The following BYSL variants were observed in gnomAD, a reference collection of about 807,000 sequenced individuals.
BYSL encodes bystin like.
A neutral mutation model predicts 45.4 loss-of-function variants in BYSL; 21 were observed. That is an observed-to-expected ratio of 0.46 (90% CI 0.33 to 0.67). The LOEUF (loss-of-function observed/expected upper bound fraction) is 0.67, where lower values mean the gene tolerates loss of function less well. BYSL is among the 30% of genes least tolerant of loss of function. The pLI is 0.02. For synonymous variants in BYSL, 215 were observed against 231.3 expected (o/e 0.93, Z 0.64); for missense variants, 522 against 578.5 (o/e 0.90, Z 1.00).
the BYSL span, among the ~76,000 whole-genome samples, chr6:41,911,162 T>C: frequency 7.2e-5 from 11 of 151,788 alleles, no homozygotes; most frequent in South Asian, 1.7e-3. Context: ...AACTTTTTTT[T>C]TTTTTTGAGA....
upstream of BYSL, among the ~76,000 whole-genome samples, chr6:41,918,472 C>A (rs553829206): frequency 1.2e-4 from 18 of 150,222 alleles, no homozygotes; most frequent in African/African-American, 4.2e-4. Flanking sequence ...CCACTGCCCT[C>A]CAGCCTGGAC....
At chr6:41,912,768 T>C in the BYSL span, among the ~76,000 whole-genome samples, 1 of 152,082 alleles carries the variant, frequency 6.6e-6, no homozygotes, top group African/African-American at 2.4e-5. Context: ...ATGAAGCCAA[T>C]TGGATCCCAG....
intron 6 of BYSL, 147 bp downstream of exon 6, chr6:41,931,977 TC>T: frequency 2.6e-6 from 2 of 763,600 alleles, no homozygotes; most frequent in South Asian, 3.2e-5. Context: ...TGTATCATTA[TC>T]CCCCTCAATG....
intron 1 of BYSL, among the ~76,000 whole-genome samples, chr6:41,924,052 T>C (rs1775529180): frequency 6.6e-6 from 1 of 151,732 alleles, no homozygotes; most frequent in African/African-American, 2.4e-5. Context: ...TATCTTTTTT[T>C]CATAGTACTT....
At chr6:41,914,796 G>A in the BYSL span, among the ~76,000 whole-genome samples, 1 of 151,770 alleles carries the variant, frequency 6.6e-6, no homozygotes, top group Non-Finnish European at 1.5e-5. Flanking sequence ...CACTCAAAAC[G>A]CTAAAAAGAA....
At chr6:41,925,469 T>C (rs965118490) in intron 1 of BYSL, among the ~76,000 whole-genome samples, 6 of 150,752 alleles carry the variant, frequency 4.0e-5, no homozygotes, top group Admixed American at 6.6e-5. Context: ...GTTCACACCA[T>C]TCTCCTGCCT....
Position 41,921,599 on chromosome 6 carries a change from C to A in BYSL, c.37C>A (p.Gln13Lys). The change falls in exon 1 of 7, where the codon CAG becomes AAG. Residue 13 changes from glutamine to lysine, a missense_variant. Transcript: ENST00000230340. ...CAAGGCGGCCCGTGGGGTGGGGGGT[C>A]AGGAAAAACATGCGCCCCTGGCCGA... ...KFKAARGVGG[Q>K]EKHAPLADQI... 1 of 1,597,144 alleles carries A rather than the reference C, an allele frequency of 6.3e-7. No individual in the cohort carries two copies. Among genetic ancestry groups the A allele is most frequent in the Non-Finnish European group, 8.5e-7 (1 of 1,169,594 alleles).
At chr6:41,920,012 T>C (rs575894919), upstream of BYSL, among the ~76,000 whole-genome samples, 1 of 152,318 alleles carries the variant, frequency 6.6e-6, no homozygotes, top group East Asian at 1.9e-4. Flanking sequence ...GCCTCCGGAT[T>C]TCTCCCACGG....
At chr6:41,920,821 G>A, upstream of BYSL, 1 of 601,782 alleles carries the variant, frequency 1.7e-6, no homozygotes, top group Non-Finnish European at 2.7e-6. Context: ...CGCCTTCCAA[G>A]AGGAAGGGGC....
chr6:41,921,529 C>G lies in BYSL; in HGVS notation c.-34C>G, dbSNP rs3763274. 2.6e-6 allele frequency: 4 copies of G among 1,546,948 alleles called. No homozygotes were observed. Among genetic ancestry groups the G allele is most frequent in the Non-Finnish European group, 3.5e-6 (4 of 1,145,372 alleles). ...CATCCTGGCCTTTCTTCAGTCCCCA[C>G]GTGCGATCCTTCCCGGCAACTTTTT... On this transcript the variant is annotated 5_prime_UTR_variant, in exon 1 of 7. Transcript: ENST00000230340.
intron 1 of BYSL, among the ~76,000 whole-genome samples, chr6:41,926,237 T>C (rs1476359925): frequency 6.6e-6 from 1 of 152,218 alleles, no homozygotes; most frequent in Non-Finnish European, 1.5e-5. Flanking sequence ...TACTACTCAT[T>C]GTGGCATATA....
chr6:41,930,073 C>T, intron 2 of BYSL, 59 bp from the exon 3 acceptor site: 1 of 1,602,440 alleles, frequency 6.2e-7, no homozygotes. Flanking sequence ...GCTTCCTGGA[C>T]AGTGACCACA....
rs755935646 is a variant in BYSL at position 41,921,634 on chromosome 6, G to A, written c.72G>A (p.Leu24=). ...EKHAPLADQI[L]AGNAVRAGVR... is the part of the protein sequence containing the mutation. ...ATGCGCCCCTGGCCGATCAGATCCT[G>A]GCTGGGAATGCGGTGCGGGCGGGGG... The change falls in exon 1 of 7, where the codon CTG becomes CTA. Residue 24 remains leucine, a synonymous_variant. Transcript: ENST00000230340. 1 of 1,613,610 alleles carries A rather than the reference G, an allele frequency of 6.2e-7. No individual in the cohort carries two copies. The highest frequency in any genetic ancestry group is 1.7e-5 in the Admixed American group (1 of 59,992).
intron 4 of BYSL, among the ~76,000 whole-genome samples, chr6:41,931,137 G>GT (rs1775632912): frequency 1.2e-5 from 1 of 80,866 alleles, no homozygotes. Context: ...CTGATGCTGA[G>GT]TAGCCATCAG....
chr6:41,912,984 C>T, the BYSL span: 2 of 151,932 alleles, frequency 1.3e-5, no homozygotes, highest in Admixed American at 6.6e-5. Flanking sequence ...GTGGCACGCA[C>T]CTGTGGCCCC....
chr6:41,923,901 G>C (rs1031162338), intron 1 of BYSL, among the ~76,000 whole-genome samples: 1 of 152,146 alleles, frequency 6.6e-6, no homozygotes, highest in Non-Finnish European at 1.5e-5. Flanking sequence ...TGGGAAATTA[G>C]GGGGTTTGGC....
chr6:41,915,741 T>A, the BYSL span, among the ~76,000 whole-genome samples: 1 of 147,124 alleles, frequency 6.8e-6, no homozygotes, highest in Non-Finnish European at 1.5e-5. Flanking sequence ...GAGCCGAGAT[T>A]GCGCCACTGC....
chr6:41,926,236 T>C (rs1020395545), intron 1 of BYSL, among the ~76,000 whole-genome samples: 2 of 152,192 alleles, frequency 1.3e-5, no homozygotes, highest in Admixed American at 6.5e-5. Flanking sequence ...CTACTACTCA[T>C]TGTGGCATAT....
At chr6:41,908,842 A>T in the BYSL span, 2 of 193,446 alleles carry the variant, frequency 1.0e-5, no homozygotes, top group Non-Finnish European at 2.1e-5. Context: ...GAGGAAGCAT[A>T]GATGCCTTGG....
Sources: allele counts gnomAD v4.1 joint callset (sites outside exome capture counted in the v4.1 genomes callset), GRCh38; gene constraint gnomAD v4.1.1; transcripts MANE v1.5; gene names NCBI Gene and HGNC (gene_info 2026-07-23, HGNC 2026-07-21).